Variants in FOXK1 observed in about 807,000 individuals in gnomAD.
The protein encoded by FOXK1 is forkhead box K1.
In FOXK1, 19 loss-of-function variants were observed where a neutral mutation model predicts 51.9. The ratio of observed to expected loss-of-function variants is 0.37; its 90% CI spans 0.26 to 0.54. FOXK1 has a LOEUF of 0.54. FOXK1 is among the 20% of genes least tolerant of loss of function. The pLI, the probability that FOXK1 is intolerant of heterozygous loss-of-function variation, is 0.87. For missense variants in FOXK1, 870 were observed against 1,032.7 expected, an observed-to-expected ratio of 0.84 and a Z score of 2.16; for synonymous variants, 537 against 482.6, an observed-to-expected ratio of 1.11 and a Z score of -1.48.
intron 3 of FOXK1, 31 bp downstream of exon 3, chr7:4,754,646 T>C: frequency 6.3e-7 from 1 of 1,592,384 alleles, no homozygotes; most frequent in Non-Finnish European, 8.5e-7. Context: ...GTGGTGCACC[T>C]GGTGACCCAG....
At position 4,762,397 on chromosome 7, in the gene FOXK1, G is replaced by A. The variant is rs1377328433; in HGVS notation, c.2135G>A (p.Gly712Asp). ...AGGTCCCGGGTGGAGGAGCCCAGTG[G>A]TGCTGTAACCACACCGGCTGGAGTG... Reference protein sequence around the residue: ...VKRSRVEEPSGAVTTPAGVIA... With the variant: ...VKRSRVEEPSDAVTTPAGVIA... Residue 712 changes from glycine (G) to aspartate (D), a missense_variant, in exon 9 of 9, where the codon GGT (glycine) becomes GAT (aspartate). By Grantham distance (94) the Gly-to-Asp change is moderately conservative. Coordinates refer to ENST00000328914, the MANE Select transcript of FOXK1 (RefSeq NM_001037165.2). This position sits in a 1 kb window ranked among gnomAD's most constrained non-coding sequence, Gnocchi z 5.7. 6.5e-7 allele frequency: 1 copy of A among 1,550,206 alleles called. No homozygotes were observed. The highest frequency in any genetic ancestry group is 1.2e-5 in the South Asian group (1 of 84,036).
intron 1 of FOXK1, among the ~76,000 whole-genome samples, chr7:4,705,552 T>TCTCGCTCTCGCTCTCG (rs1554249279): frequency 0.045 from 6,473 of 142,982 alleles, 160 homozygotes; most frequent in Non-Finnish European, 0.053. Context: ...TCTCTCTCTC[T>TCTCGCTCTCGCTCTCG]CTCTCTCGCT....
Position 4,700,015 on chromosome 7 carries a change from G to T in FOXK1, c.560+17147G>T, listed in dbSNP as rs367914626. 2.0e-3 allele frequency among the ~76,000 whole-genome samples: 307 copies of T among 152,284 alleles called. 1 individual carries two copies. The highest frequency in any genetic ancestry group is 6.8e-3 in the African/African-American group (284 of 41,562). ...CTCCTTCTTGTTCCTAGCTTGGAAA[G>T]AAACGCCTGTGAAGCGTTTCAGAGT... is the stretch of plus-strand genomic sequence containing the variant. On this transcript the variant is annotated intron_variant, in intron 1 of 8. Transcript: ENST00000328914.
At chr7:4,685,647 G>A (rs893560490) in intron 1 of FOXK1, among the ~76,000 whole-genome samples, 3 of 151,622 alleles carry the variant, frequency 2.0e-5, no homozygotes, top group African/African-American at 4.9e-5. Flanking sequence ...CATTTGGTTA[G>A]GTAAAGATTC....
intron 3 of FOXK1, 121 bp downstream of exon 3, chr7:4,754,736 A>G: frequency 7.9e-7 from 1 of 1,257,886 alleles, no homozygotes; most frequent in South Asian, 1.4e-5. Flanking sequence ...GTCTCAGCCC[A>G]CAGGGAATGG....
chr7:4,690,171 A>G (rs1779873889), intron 1 of FOXK1, among the ~76,000 whole-genome samples: 2 of 152,216 alleles, frequency 1.3e-5, no homozygotes, highest in South Asian at 2.1e-4. Context: ...GGAGAGGAGC[A>G]GATCCAGGTG....
chr7:4,726,979 C>T (rs1288811520), intron 1 of FOXK1, among the ~76,000 whole-genome samples: 1 of 152,048 alleles, frequency 6.6e-6, no homozygotes, highest in Non-Finnish European at 1.5e-5. Flanking sequence ...GGGTCTTGCT[C>T]TGTCACCCAG....
At chr7:4,744,227 G>A (rs1780672313) in intron 2 of FOXK1, among the ~76,000 whole-genome samples, 1 of 152,208 alleles carries the variant, frequency 6.6e-6, no homozygotes, top group African/African-American at 2.4e-5. Flanking sequence ...AGTGATACCT[G>A]TGTTTTAAAT....
At chr7:4,760,861 AAAT>A (rs761461526) in intron 7 of FOXK1, among the ~76,000 whole-genome samples, 200 bp from the exon 8 acceptor site, 1 of 152,220 alleles carries the variant, frequency 6.6e-6, no homozygotes, top group African/African-American at 2.4e-5. Flanking sequence ...CTCAAAAAAT[AAAT>A]AAGTAAGTAA....
At chr7:4,751,518 C>G (rs185314805) in intron 2 of FOXK1, among the ~76,000 whole-genome samples, 70 of 152,324 alleles carry the variant, frequency 4.6e-4, no homozygotes, top group Non-Finnish European at 7.2e-4. Context: ...CACTTTACAG[C>G]TCTTAGCGGC....
At chr7:4,717,983 G>GT (rs1158952542) in intron 1 of FOXK1, among the ~76,000 whole-genome samples, 1 of 152,056 alleles carries the variant, frequency 6.6e-6, no homozygotes, top group Non-Finnish European at 1.5e-5. Context: ...CTGGTTTATG[G>GT]TTTTTTACTC....
chr7:4,717,617 T>G (rs1402632993), intron 1 of FOXK1, among the ~76,000 whole-genome samples: 2 of 152,070 alleles, frequency 1.3e-5, no homozygotes, highest in African/African-American at 2.4e-5. Flanking sequence ...GTGAAGCGCA[T>G]GACGGGAGGT....
At chr7:4,687,653 A>T (rs1270119682) in intron 1 of FOXK1, among the ~76,000 whole-genome samples, 1 of 152,204 alleles carries the variant, frequency 6.6e-6, no homozygotes, top group Non-Finnish European at 1.5e-5. Context: ...CAAAATTCAA[A>T]AAATTTGTTT....
chr7:4,742,805 T>C (rs1467114446), intron 2 of FOXK1, among the ~76,000 whole-genome samples: 1 of 152,236 alleles, frequency 6.6e-6, no homozygotes, highest in East Asian at 1.9e-4. Flanking sequence ...ACAGCTCCTC[T>C]ACCCTGCTTT....
chr7:4,694,829 G>A (rs1043435272), intron 1 of FOXK1, among the ~76,000 whole-genome samples: 1 of 152,130 alleles, frequency 6.6e-6, no homozygotes, highest in East Asian at 1.9e-4. Context: ...AGGAACTGAC[G>A]CCCGGATAAA....
rs1209555638 is a variant in FOXK1 at position 4,703,952 on chromosome 7, T to C, written c.560+21084T>C. 6.6e-6 allele frequency among the ~76,000 whole-genome samples: 1 copy of C among 151,898 alleles called. No individual in the cohort carries two copies. The highest frequency in any genetic ancestry group is 2.4e-5 in the African/African-American group (1 of 41,326). ...GAAAACCAAACCTGGTGGGAAAAAA[T>C]GCGTGTATACGTACCCCTACGTGTG... is the stretch of plus-strand genomic sequence containing the variant. On this transcript the variant is annotated intron_variant, in intron 1 of 8. Coordinates refer to ENST00000328914, the MANE Select transcript of FOXK1 (RefSeq NM_001037165.2). The surrounding 1 kb of genome is among the most constrained non-coding windows in gnomAD (Gnocchi z 5.6).
In FOXK1 at chr7:4,761,415, C is replaced by T; in HGVS notation, c.1921+127C>T. 3 of 982,256 alleles carry T rather than the reference C, an allele frequency of 3.1e-6. No individual in the cohort carries two copies. The highest frequency in any genetic ancestry group is 4.3e-5 in the Admixed American group (2 of 46,732). The allele number at this position is 982,256 out of a possible 1,614,324, so 60.8% of individuals were successfully genotyped here. A position where few individuals can be genotyped will look rare whatever the true frequency, so the allele number is the denominator to read the frequency against. ...CTCAGTTCAATTTATTGAGCACCTGCTATACTCCAGGCACTGGGGTAATGC... is the reference window on the plus strand; with the variant it reads ...CTCAGTTCAATTTATTGAGCACCTGTTATACTCCAGGCACTGGGGTAATGC... On this transcript the variant is annotated intron_variant, in intron 8 of 8. Coordinates refer to ENST00000328914, the MANE Select transcript of FOXK1 (RefSeq NM_001037165.2). This position sits in a 1 kb window ranked among gnomAD's most constrained non-coding sequence, Gnocchi z 6.2.
chr7:4,740,924 G>T lies in FOXK1; in HGVS notation c.647G>T (p.Arg216Leu). 1 of 1,585,670 alleles carries T rather than the reference G, an allele frequency of 6.3e-7. No individual in the cohort carries two copies. The highest frequency in any genetic ancestry group is 8.6e-7 in the Non-Finnish European group (1 of 1,167,888). ...GAAGAGGCCCCAGCCTCCCCGCTGCGGCCACTGTACCCCCAGATCTCCCCT... is the reference window on the plus strand; with the variant it reads ...GAAGAGGCCCCAGCCTCCCCGCTGCTGCCACTGTACCCCCAGATCTCCCCT... The part of the protein sequence containing the change: ...HKEEAPASPL[R>L]PLYPQISPLK... Residue 216 changes from arginine to leucine, a missense_variant, in exon 2 of 9, where the codon CGG becomes CTG. Coordinates refer to ENST00000328914, the MANE Select transcript of FOXK1 (RefSeq NM_001037165.2).
chr7:4,701,992 C>T (rs960014077), intron 1 of FOXK1, among the ~76,000 whole-genome samples: 8 of 152,088 alleles, frequency 5.3e-5, no homozygotes, highest in African/African-American at 1.9e-4. Flanking sequence ...AGAAGATCGC[C>T]TGAGCCTGGG....
Sources: allele counts gnomAD v4.1 joint callset (sites outside exome capture counted in the v4.1 genomes callset), GRCh38; gene constraint gnomAD v4.1.1; non-coding constraint Gnocchi (gnomAD v3.1); transcripts MANE v1.5; gene names NCBI Gene and HGNC (gene_info 2026-07-23, HGNC 2026-07-21).